MAST2: variants seen among roughly 807,000 people sequenced by gnomAD.
The protein encoded by MAST2 is microtubule-associated serine/threonine-protein kinase 2.
In MAST2, 70 loss-of-function variants were observed where a neutral mutation model predicts 147.4. The ratio of observed to expected loss-of-function variants is 0.47; its 90% CI spans 0.39 to 0.58. The LOEUF is 0.58. Ranked by LOEUF, MAST2 falls within the 20% of genes least tolerant of loss-of-function variation. MAST2 has a pLI of 0.00. For synonymous variants in MAST2, 869 were observed against 896.8 expected (o/e 0.97, Z 0.55); for missense variants, 2,080 against 2,302.3 (o/e 0.90, Z 1.98).
rs748978935 is a variant in MAST2 at position 46,028,905 on chromosome 1, G to A, written c.2190G>A (p.Pro730=). 119 of 1,605,882 alleles carry A rather than the reference G, an allele frequency of 7.4e-5. No homozygotes were observed. Among genetic ancestry groups the A allele is most frequent in the East Asian group, 1.3e-4 (6 of 44,852 alleles). The change falls in exon 18 of 29, where the codon CCG becomes CCA. Residue 730 remains proline (P), a synonymous_variant. Coordinates refer to ENST00000361297, the MANE Select transcript of MAST2 (RefSeq NM_015112.3). ...GCGTCCCTTTTTTTGGAGATACTCC[G>A]GAGGAGCTCTTTGGGCAGGTGATCA... ...VGCVPFFGDT[P]EELFGQVISD...
rs531073868 is a variant in MAST2 at position 45,996,989 on chromosome 1, C to T, written c.593-735C>T. On this transcript the variant is annotated intron_variant, in intron 5 of 28. Transcript: ENST00000361297. ...CTTTTGAGTAGAGTCATATTAACAA[C>T]TGCCAACAAGGGGCTCCTACGTACC... Among the ~76,000 whole-genome samples, 6 of 152,282 alleles carry T rather than the reference C, an allele frequency of 3.9e-5. No individual in the cohort carries two copies. The South Asian group carries it at 1.2e-3, about 32-fold the overall frequency.
intron 3 of MAST2, among the ~76,000 whole-genome samples, chr1:45,851,791 G>A (rs1645631107): frequency 6.7e-6 from 1 of 149,882 alleles, no homozygotes; most frequent in South Asian, 2.1e-4. Flanking sequence ...CCTGAGCTGA[G>A]GGACTGAGAT....
chr1:45,906,776 A>G (rs1650821210), intron 4 of MAST2, among the ~76,000 whole-genome samples: 1 of 151,994 alleles, frequency 6.6e-6, no homozygotes, highest in African/African-American at 2.4e-5. Context: ...ACAGTAGTAG[A>G]CAGTAATGTG....
chr1:45,910,767 T>C (rs2148569093), intron 4 of MAST2, among the ~76,000 whole-genome samples: 1 of 152,368 alleles, frequency 6.6e-6, no homozygotes, highest in Admixed American at 6.5e-5. Flanking sequence ...TGTCTTTTAT[T>C]CTGACACCCT....
chr1:46,000,551 T>A (rs1024332621), intron 6 of MAST2, among the ~76,000 whole-genome samples: 4 of 152,186 alleles, frequency 2.6e-5, no homozygotes, highest in African/African-American at 9.7e-5. Flanking sequence ...CCTGGTTTTT[T>A]ACCACTGAGA....
intron 4 of MAST2, among the ~76,000 whole-genome samples, chr1:45,894,841 G>T (rs754673805): frequency 6.6e-6 from 1 of 152,106 alleles, no homozygotes; most frequent in East Asian, 1.9e-4. Flanking sequence ...AAGATGCAGT[G>T]CATTTTTAGT....
intron 4 of MAST2, among the ~76,000 whole-genome samples, chr1:45,941,956 G>C (rs1400155187): frequency 1.3e-5 from 2 of 152,220 alleles, no homozygotes; most frequent in Admixed American, 1.3e-4. Flanking sequence ...TAAGGTGCGA[G>C]AAGTTTTACC....
At position 46,034,569 on chromosome 1, in the gene MAST2, C is replaced by T. The variant is rs775075254; in HGVS notation, c.3900C>T (p.Pro1300=). 9 of 1,613,906 alleles carry T rather than the reference C, an allele frequency of 5.6e-6. No homozygotes were observed. The highest frequency in any genetic ancestry group is 6.8e-6 in the Non-Finnish European group (8 of 1,179,964). Residue 1300 remains proline (P), a synonymous_variant, in exon 29 of 29, where the codon CCC becomes CCT. Transcript: ENST00000361297. The part of the protein sequence containing the change: ...VGGNSSQSSS[P]SSSVPSSPAG... ...GGAATTCATCACAGAGCAGCTCCCC[C>T]AGCTCCAGCGTGCCCAGTTCCCCAG...
In MAST2 at chr1:46,031,335, G is replaced by T. The variant is rs760522494; in HGVS notation, c.2992+45G>T. The T allele has an allele frequency of 7.5e-5, 117 of 1,569,060 alleles. No individual in the cohort carries two copies. Among genetic ancestry groups the T allele is most frequent in the Non-Finnish European group, 9.3e-5 (107 of 1,153,622 alleles). ...CAAACGACCTAAGCTGGAGGATACTGCAGGGCAGGGAGGCTCAGCGGCATC... is the reference window on the plus strand; with the variant it reads ...CAAACGACCTAAGCTGGAGGATACTTCAGGGCAGGGAGGCTCAGCGGCATC... On this transcript the variant is annotated intron_variant, in intron 23 of 28. Coordinates refer to ENST00000361297, the MANE Select transcript of MAST2 (RefSeq NM_015112.3). This position sits in a 1 kb window ranked among gnomAD's most constrained non-coding sequence, Gnocchi z 4.1.
At chr1:45,929,564 G>A (rs747511270) in intron 4 of MAST2, among the ~76,000 whole-genome samples, 21 of 152,316 alleles carry the variant, frequency 1.4e-4, no homozygotes, top group Non-Finnish European at 2.4e-4. Flanking sequence ...CATCTAGAAG[G>A]CAGCAGCTTT....
intron 26 of MAST2, among the ~76,000 whole-genome samples, chr1:46,032,978 A>G: frequency 5.4e-5 from 1 of 18,612 alleles, no homozygotes. Flanking sequence ...TAAAAATACA[A>G]AAAAAAAAAA....
At chr1:45,843,362 A>G (rs1367860878) in intron 3 of MAST2, among the ~76,000 whole-genome samples, 2 of 152,006 alleles carry the variant, frequency 1.3e-5, no homozygotes, top group African/African-American at 4.8e-5. Flanking sequence ...CAAGGTCATG[A>G]TTTACTTCTG....
chr1:45,991,536 A>T (rs182102310), intron 5 of MAST2, among the ~76,000 whole-genome samples: 24 of 152,164 alleles, frequency 1.6e-4, no homozygotes, highest in Admixed American at 1.6e-3. Context: ...ATTTATTTAG[A>T]TCTTTGATTT....
chr1:45,839,776 T>C (rs989138136), intron 3 of MAST2, among the ~76,000 whole-genome samples: 7 of 152,202 alleles, frequency 4.6e-5, no homozygotes, highest in African/African-American at 1.7e-4. Flanking sequence ...TTTATGACTT[T>C]GTATAAAGGA....
intron 5 of MAST2, among the ~76,000 whole-genome samples, chr1:45,970,386 C>T (rs1342764059): frequency 4.6e-5 from 7 of 152,034 alleles, no homozygotes; most frequent in South Asian, 2.1e-4. Context: ...CTGCTCCTGC[C>T]GGGCACGGTG....
Position 45,811,795 on chromosome 1 carries a change from A to C in MAST2, c.177+7723A>C, listed in dbSNP as rs575987027. ...ACTACAGGCGCCCGCCACCACGCCC[A>C]GCTAATTTTTTTGTATTTTTAGTAG... On this transcript the variant is annotated intron_variant, in intron 1 of 28. Coordinates refer to ENST00000361297, the MANE Select transcript of MAST2 (RefSeq NM_015112.3). Among the ~76,000 whole-genome samples, 6 of 134,656 alleles carry C rather than the reference A, an allele frequency of 4.5e-5. No homozygotes were observed. In the East Asian group the frequency reaches 1.3e-3, roughly 30 times the overall value. The allele number at this position is 134,656 out of a possible 152,430, so 88.3% of individuals were successfully genotyped here.
chr1:45,896,621 A>G (rs1244733094), intron 4 of MAST2, among the ~76,000 whole-genome samples: 3 of 152,156 alleles, frequency 2.0e-5, no homozygotes, highest in East Asian at 1.9e-4. Flanking sequence ...GGGGAACATT[A>G]AAGTGAAAGG....
intron 11 of MAST2, 107 bp from the exon 12 acceptor site, chr1:46,021,843 C>A: frequency 9.3e-7 from 1 of 1,080,274 alleles, no homozygotes. Context: ...TGTCCTATCA[C>A]AGAGAAAGTC....
intron 4 of MAST2, among the ~76,000 whole-genome samples, chr1:45,923,358 C>T (rs1056291867): frequency 7.9e-5 from 12 of 152,268 alleles, no homozygotes; most frequent in African/African-American, 2.2e-4. Flanking sequence ...ATGGCAGTGA[C>T]GGGCTGCCAC....
Sources: gnomAD v4.1 joint callset for allele counts (sites outside exome capture counted in the v4.1 genomes callset) on GRCh38, gnomAD v4.1.1 for gene constraint, Gnocchi (gnomAD v3.1) non-coding constraint, MANE v1.5 for transcripts, NCBI Gene and HGNC (gene_info 2026-07-23, HGNC 2026-07-21) for gene names.